CADM2: variants seen among roughly 807,000 people sequenced by gnomAD.
The protein encoded by CADM2 is immunoglobulin superfamily member 4D.
A neutral mutation model predicts 49.8 loss-of-function variants in CADM2; 12 were observed. That is an observed-to-expected ratio of 0.24 (90% CI 0.15 to 0.39). CADM2 has a LOEUF of 0.39. CADM2 is among the 10% of genes least tolerant of loss of function. CADM2 has a pLI of 1.00. For missense variants in CADM2, 378 were observed against 492.3 expected (o/e 0.77, Z 2.20); for synonymous variants, 214 against 175.4 (o/e 1.22, Z -1.74).
chr3:85,114,119 C>G (rs1190851615), intron 1 of CADM2, among the ~76,000 whole-genome samples: 1 of 151,916 alleles, frequency 6.6e-6, no homozygotes, highest in Admixed American at 6.6e-5. Flanking sequence ...TGGAACTGAG[C>G]TCTGAGAAAA....
chr3:85,728,649 A>C (rs1191840461), intron 2 of CADM2, among the ~76,000 whole-genome samples: 1 of 152,184 alleles, frequency 6.6e-6, no homozygotes, highest in Non-Finnish European at 1.5e-5. Flanking sequence ...TTACCAGGGA[A>C]CCGAGAGAAA....
intron 3 of CADM2, among the ~76,000 whole-genome samples, chr3:85,821,629 T>C (rs2073574532): frequency 6.6e-6 from 1 of 152,168 alleles, no homozygotes; most frequent in Admixed American, 6.6e-5. Flanking sequence ...AACTGTTTTA[T>C]CTTCTATGCA....
chr3:86,006,936 G>A (rs899230111), intron 8 of CADM2, among the ~76,000 whole-genome samples: 1 of 152,082 alleles, frequency 6.6e-6, no homozygotes, highest in Non-Finnish European at 1.5e-5. Flanking sequence ...AGCTACTCGG[G>A]AGGCTGAGGC....
chr3:85,561,800 T>G (rs1431521928), intron 1 of CADM2, among the ~76,000 whole-genome samples: 2 of 152,176 alleles, frequency 1.3e-5, no homozygotes, highest in Non-Finnish European at 2.9e-5. Flanking sequence ...AAGGCAAATA[T>G]CAGACTTTTC....
At chr3:85,963,335 A>G (rs1253993082) in intron 8 of CADM2, among the ~76,000 whole-genome samples, 1 of 151,936 alleles carries the variant, frequency 6.6e-6, no homozygotes, top group Non-Finnish European at 1.5e-5. Context: ...TTGTATTTAA[A>G]TGTGGTAATC....
At chr3:84,995,678 A>G (rs1039274166) in intron 1 of CADM2, among the ~76,000 whole-genome samples, 5 of 152,200 alleles carry the variant, frequency 3.3e-5, no homozygotes, top group African/African-American at 7.2e-5. Context: ...GTACTTGCCT[A>G]CAAAAGAGAT....
At chr3:85,390,350 G>A (rs2107392910) in intron 1 of CADM2, among the ~76,000 whole-genome samples, 1 of 152,172 alleles carries the variant, frequency 6.6e-6, no homozygotes, top group Non-Finnish European at 1.5e-5. Flanking sequence ...CTTCAATCGT[G>A]GTTCTTCCTG....
chr3:85,257,101 A>G (rs576052358), intron 1 of CADM2, among the ~76,000 whole-genome samples: 2 of 152,228 alleles, frequency 1.3e-5, no homozygotes, highest in East Asian at 3.9e-4. Flanking sequence ...GAGGTCCAGT[A>G]ATTTGCTGAT....
At chr3:85,910,769 A>C (rs1717478084) in intron 5 of CADM2, among the ~76,000 whole-genome samples, 1 of 152,030 alleles carries the variant, frequency 6.6e-6, no homozygotes, top group African/African-American at 2.4e-5. Flanking sequence ...TTTTCCCCTA[A>C]TATGTGAAAC....
chr3:85,532,458 C>A lies in CADM2; in HGVS notation c.62-194064C>A, dbSNP rs552666392. ...TTTGTATTTTAAATATCTTTAAATA[C>A]CCCAGTAAAATAAATCACTATTTGT... is the stretch of plus-strand genomic sequence containing the variant. On this transcript the variant is annotated intron_variant, in intron 1 of 9. Coordinates refer to ENST00000383699, the MANE Select transcript of CADM2 (RefSeq NM_001167675.2). Among the ~76,000 whole-genome samples the A allele has an allele frequency of 1.3e-5, 2 of 152,032 alleles. 1 individual carries two copies. Among genetic ancestry groups the A allele is most frequent in the South Asian group, 4.1e-4 (2 of 4,820 alleles).
intron 2 of CADM2, among the ~76,000 whole-genome samples, chr3:85,740,553 C>CTT (rs11425226): frequency 6.6e-6 from 1 of 151,980 alleles, no homozygotes; most frequent in Non-Finnish European, 1.5e-5. Flanking sequence ...TATTCTCCCT[C>CTT]TTTTTTTGCT....
chr3:85,560,433 G>GA (rs1413626432), intron 1 of CADM2, among the ~76,000 whole-genome samples: 1 of 152,094 alleles, frequency 6.6e-6, no homozygotes, highest in Admixed American at 6.5e-5. Flanking sequence ...AAGAATGAAT[G>GA]AAAAAAAGAA....
chr3:84,974,607 TACTC>T (rs1404493485), intron 1 of CADM2, among the ~76,000 whole-genome samples: 5 of 152,042 alleles, frequency 3.3e-5, no homozygotes, highest in Admixed American at 6.6e-5. Flanking sequence ...GTTCATTAAA[TACTC>T]TCATACAAGA....
intron 1 of CADM2, among the ~76,000 whole-genome samples, chr3:85,410,717 G>A (rs1358416639): frequency 1.3e-5 from 2 of 152,078 alleles, no homozygotes; most frequent in Non-Finnish European, 2.9e-5. Flanking sequence ...AGTGAAAAGA[G>A]GAAACAAAAT....
intron 1 of CADM2, among the ~76,000 whole-genome samples, chr3:85,127,595 G>A (rs1291372197): frequency 2.0e-5 from 3 of 152,076 alleles, no homozygotes; most frequent in African/African-American, 7.2e-5. Context: ...ACTTCTACCT[G>A]GAGAAAATCA....
At chr3:85,150,508 T>G (rs2039887660) in intron 1 of CADM2, among the ~76,000 whole-genome samples, 1 of 152,240 alleles carries the variant, frequency 6.6e-6, no homozygotes, top group Admixed American at 6.5e-5. Flanking sequence ...TTTATTAAGT[T>G]ATGAAGTAGT....
At chr3:85,158,938 G>T (rs1291781904) in intron 1 of CADM2, among the ~76,000 whole-genome samples, 1 of 152,054 alleles carries the variant, frequency 6.6e-6, no homozygotes, top group South Asian at 2.1e-4. Flanking sequence ...GAGAAAGATA[G>T]TTGCATATAT....
intron 1 of CADM2, among the ~76,000 whole-genome samples, chr3:85,087,563 G>C (rs1157538582): frequency 6.6e-6 from 1 of 152,052 alleles, no homozygotes; most frequent in Non-Finnish European, 1.5e-5. Flanking sequence ...TTACTACAAA[G>C]AAGGCTTTTA....
intron 6 of CADM2, among the ~76,000 whole-genome samples, chr3:85,932,451 TA>T (rs1720721294): frequency 6.6e-6 from 1 of 152,156 alleles, no homozygotes; most frequent in East Asian, 1.9e-4. Context: ...AAATGGAAAC[TA>T]AAGATAAGAG....
Sources: allele counts gnomAD v4.1 joint callset (sites outside exome capture counted in the v4.1 genomes callset), GRCh38; gene constraint gnomAD v4.1.1; transcripts MANE v1.5; gene names NCBI Gene and HGNC (gene_info 2026-07-23, HGNC 2026-07-21).